DDX60L: variants seen among roughly 807,000 people sequenced by gnomAD.
The protein encoded by DDX60L is DExD/H-box 60 like.
A neutral mutation model predicts 211.6 loss-of-function variants in DDX60L; 191 were observed. The observed-to-expected ratio is 0.90, with a 90% CI of 0.80 to 1.02. The LOEUF (loss-of-function observed/expected upper bound fraction) is 1.02, where lower values mean the gene tolerates loss of function less well. DDX60L is among the 50% of genes least tolerant of loss of function. The pLI is 0.00. For synonymous variants in DDX60L, 706 were observed against 694.1 expected (o/e 1.02, Z -0.27); for missense variants, 2,007 against 1,984.1 (o/e 1.01, Z -0.22).
intron 6 of DDX60L, among the ~76,000 whole-genome samples, chr4:168,457,193 G>A (rs55638454): frequency 0.27 from 41,251 of 150,800 alleles, 5,865 homozygotes; most frequent in African/African-American, 0.34. Flanking sequence ...TCCAGAATGG[G>A]CAACAGAGTG....
At chr4:168,390,058 A>C (rs1744525464) in intron 29 of DDX60L, 1 of 844,738 alleles carries the variant, frequency 1.2e-6, no homozygotes. Context: ...CAATTCCCAG[A>C]AAGGTCTGCC....
intron 36 of DDX60L, among the ~76,000 whole-genome samples, chr4:168,365,680 A>T (rs1036716980): frequency 1.3e-5 from 2 of 152,116 alleles, no homozygotes; most frequent in Non-Finnish European, 2.9e-5. Flanking sequence ...TTACAAGACC[A>T]ACATTATTCT....
In DDX60L at chr4:168,452,421, T is replaced by C. The variant is rs573917956; in HGVS notation, c.996+703A>G. Among the ~76,000 whole-genome samples the C allele has an allele frequency of 6.2e-4, 95 of 152,346 alleles. 3 individuals carry two copies. The highest frequency in any genetic ancestry group is 2.2e-4 in the African/African-American group (9 of 41,584). ...AAACTACAATACAATCACTCAAACG[T>C]ATTTAGTAGCCATAAAAATTATGCT... On this transcript the variant is annotated intron_variant, in intron 8 of 37. Transcript: ENST00000682922.
At chr4:168,429,873 C>T (rs1752071542) in intron 13 of DDX60L, among the ~76,000 whole-genome samples, 1 of 152,158 alleles carries the variant, frequency 6.6e-6, no homozygotes, top group Admixed American at 6.5e-5. Context: ...TGTGAAGTGC[C>T]ATCTCCCCCT....
intron 29 of DDX60L, chr4:168,390,245 A>AG: frequency 1.9e-6 from 2 of 1,060,454 alleles, no homozygotes; most frequent in Non-Finnish European, 2.3e-6. Context: ...GGCAAGGAAG[A>AG]GAAAAAAGGA....
chr4:168,403,866 A>C (rs557521817), intron 25 of DDX60L, 116 bp downstream of exon 25: 24 of 497,272 alleles, frequency 4.8e-5, no homozygotes, highest in African/African-American at 4.6e-4. Flanking sequence ...AATGCAACAA[A>C]ATGGTAAAAG....
chr4:168,425,434 G>C (rs1245118714), intron 14 of DDX60L, among the ~76,000 whole-genome samples: 2 of 152,174 alleles, frequency 1.3e-5, no homozygotes. Flanking sequence ...ACCACAACTT[G>C]AGGAGGAATT....
chr4:168,418,558 G>A (rs1207060675), intron 19 of DDX60L, among the ~76,000 whole-genome samples: 1 of 152,204 alleles, frequency 6.6e-6, no homozygotes, highest in Admixed American at 6.5e-5. Context: ...CACAAAGAAA[G>A]CAGAATGACA....
intron 36 of DDX60L, among the ~76,000 whole-genome samples, chr4:168,361,647 G>A (rs969102070): frequency 1.3e-5 from 2 of 152,212 alleles, no homozygotes; most frequent in African/African-American, 4.8e-5. Context: ...TGAACAAGAT[G>A]CAAGATGCCT....
chr4:168,363,606 C>T (rs767816616), intron 36 of DDX60L, among the ~76,000 whole-genome samples: 2 of 151,974 alleles, frequency 1.3e-5, no homozygotes, highest in Non-Finnish European at 2.9e-5. Context: ...TTTATGTGAC[C>T]AAAGTCAAGT....
intron 7 of DDX60L, among the ~76,000 whole-genome samples, 160 bp from the exon 8 acceptor site, chr4:168,453,442 A>T (rs971188558): frequency 1.3e-5 from 2 of 152,206 alleles, no homozygotes; most frequent in African/African-American, 4.8e-5. Flanking sequence ...ATACAGAAGT[A>T]GGTAAGAGGG....
intron 36 of DDX60L, among the ~76,000 whole-genome samples, chr4:168,367,551 G>C (rs1345570089): frequency 6.6e-6 from 1 of 152,176 alleles, no homozygotes; most frequent in Non-Finnish European, 1.5e-5. Flanking sequence ...CAGTAAATTG[G>C]TACCAGTAGA....
rs756342971 is a variant in DDX60L, at chr4:168,427,229, A to G, written c.1771T>C (p.Phe591Leu). The change falls in exon 14 of 38, where the codon TTT becomes CTT. Residue 591 changes from phenylalanine (F) to leucine (L), a missense_variant. Coordinates refer to ENST00000682922, the MANE Select transcript of DDX60L (RefSeq NM_001012967.3). ...TTCTTCATCTCCTCTTCAATAGAAAACAGCAGATCATCGTTTTGCTGAGCT... is the reference window on the plus strand; with the variant it reads ...TTCTTCATCTCCTCTTCAATAGAAAGCAGCAGATCATCGTTTTGCTGAGCT... ...NKAQQNDDLL[F>L]SIEEEMKNNL... 18 of 1,613,702 alleles carry G rather than the reference A, an allele frequency of 1.1e-5. 1 individual carries two copies. In the South Asian group the frequency reaches 1.8e-4, roughly 16 times the overall value.
chr4:168,418,283 G>A (rs1232077853), intron 19 of DDX60L, among the ~76,000 whole-genome samples: 2 of 152,134 alleles, frequency 1.3e-5, no homozygotes, highest in Admixed American at 6.5e-5. Flanking sequence ...GGTCAGGCTG[G>A]TCTCGAACTC....
At chr4:168,372,881 T>C (rs1741281307) in intron 35 of DDX60L, among the ~76,000 whole-genome samples, 1 of 152,252 alleles carries the variant, frequency 6.6e-6, no homozygotes, top group African/African-American at 2.4e-5. Flanking sequence ...ATTTGTTTAC[T>C]TTGGGTATCA....
Position 168,457,797 on chromosome 4 carries a change from C to T in DDX60L, c.723+95G>A. 4.6e-6 allele frequency: 3 copies of T among 657,192 alleles called. No homozygotes were observed. The Admixed American group carries it at 8.3e-5, about 18-fold the overall frequency. 40.7% of individuals were successfully genotyped at this position (657,192 alleles called of 1,614,324 possible). ...ATGTACTAAGGAGGTATATGGCACC[C>T]TTTAGTCTGGTCTAAGGACTGAACT... On this transcript the variant is annotated intron_variant, in intron 6 of 37. Coordinates refer to ENST00000682922, the MANE Select transcript of DDX60L (RefSeq NM_001012967.3).
At chr4:168,391,175 C>A (rs1490364069) in intron 29 of DDX60L, among the ~76,000 whole-genome samples, 1 of 152,036 alleles carries the variant, frequency 6.6e-6, no homozygotes, top group Non-Finnish European at 1.5e-5. Flanking sequence ...TTAAAGGAAA[C>A]AGCTAACGCA....
intron 9 of DDX60L, among the ~76,000 whole-genome samples, chr4:168,443,056 G>C (rs1008148718): frequency 7.2e-4 from 110 of 152,228 alleles, no homozygotes; most frequent in African/African-American, 2.6e-3. Flanking sequence ...AGAGAAGAAG[G>C]CTTCAGACGA....
chr4:168,436,398 T>C (rs943409855), intron 10 of DDX60L, among the ~76,000 whole-genome samples: 1 of 152,232 alleles, frequency 6.6e-6, no homozygotes, highest in Non-Finnish European at 1.5e-5. Flanking sequence ...TGGTTTCTGA[T>C]CACAAGGAAC....
Sources: allele counts gnomAD v4.1 joint callset (sites outside exome capture counted in the v4.1 genomes callset), GRCh38; gene constraint gnomAD v4.1.1; transcripts MANE v1.5; gene names NCBI Gene and HGNC (gene_info 2026-07-23, HGNC 2026-07-21).